The following WHAMM variants were observed in gnomAD, a reference collection of about 807,000 sequenced individuals.
The protein encoded by WHAMM is WASP homolog associated with actin, golgi membranes and microtubules, also known as WASP homolog-associated protein with actin, membranes and microtubules.
In WHAMM, 67 loss-of-function variants were observed where a neutral mutation model predicts 76.5. The ratio of observed to expected loss-of-function variants is 0.88; its 90% CI spans 0.72 to 1.07. WHAMM has a LOEUF of 1.07. Ranked by LOEUF, WHAMM falls within the 50% of genes least tolerant of loss-of-function variation. The pLI is 0.00. For synonymous variants in WHAMM, 419 were observed against 422.1 expected (o/e 0.99, Z 0.09); for missense variants, 1,021 against 1,051.1 (o/e 0.97, Z 0.40).
chr15:82,815,154 TA>T (rs56913159), intron 2 of WHAMM, among the ~76,000 whole-genome samples: 5,194 of 20,312 alleles, frequency 0.26, 451 homozygotes, highest in Admixed American at 0.27. Flanking sequence ...TATATATATA[TA>T]GTACAATTCA....
intron 2 of WHAMM, among the ~76,000 whole-genome samples, 171 bp downstream of exon 2, chr15:82,813,447 G>A (rs2050664137): frequency 6.6e-6 from 1 of 152,016 alleles, no homozygotes; most frequent in African/African-American, 2.4e-5. Flanking sequence ...TGCTCAGGCT[G>A]GTTTCGAACT....
rs999166364 is a variant in WHAMM at position 82,810,099 on chromosome 15, G to A, written c.373G>A (p.Gly125Arg). 6.2e-6 allele frequency: 8 copies of A among 1,282,108 alleles called. No homozygotes were observed. The Admixed American group carries it at 1.1e-4, about 18-fold the overall frequency. The allele number at this position is 1,282,108 out of a possible 1,614,324, so 79.4% of individuals were successfully genotyped here. Residue 125 changes from glycine (G) to arginine (R), a missense_variant, in exon 1 of 10, where the codon GGG (glycine) becomes AGG (arginine). Transcript: ENST00000286760. ...CGGCGGGGCCTGGGGTCTGGGGCTCGGGCTGTGGGCGCTGCTGTGGCCGAC... is the reference window on the plus strand; with the variant it reads ...CGGCGGGGCCTGGGGTCTGGGGCTCAGGCTGTGGGCGCTGCTGTGGCCGAC... ...GGGGAWGLGLGLWALLWPTRA... is the reference protein window; with the variant it reads ...GGGGAWGLGLRLWALLWPTRA...
In WHAMM at chr15:82,809,660, G is replaced by A; in HGVS notation, c.-67G>A. ...AAAATGATTTGGCTCGGACTGTCCC[G>A]TGACAGGCGGTGCGAGGAGGCCAGG... On this transcript the variant is annotated 5_prime_UTR_variant, in exon 1 of 10. In the 5' UTR this introduces an upstream ATG that the reference lacks. Coordinates refer to ENST00000286760, the MANE Select transcript of WHAMM (RefSeq NM_001080435.3). 4 of 1,272,922 alleles carry A rather than the reference G, an allele frequency of 3.1e-6. No homozygotes were observed. Among genetic ancestry groups the A allele is most frequent in the South Asian group, 1.9e-5 (1 of 53,196 alleles). The allele number at this position is 1,272,922 out of a possible 1,614,324, so 78.9% of individuals were successfully genotyped here.
At position 82,833,274 on chromosome 15, in the gene WHAMM, C is replaced by G. The variant is rs754013874; in HGVS notation, c.2168C>G (p.Pro723Arg). The change falls in exon 10 of 10, where the codon CCT (proline) becomes CGT (arginine). Residue 723 changes from proline to arginine, a missense_variant. Coordinates refer to ENST00000286760, the MANE Select transcript of WHAMM (RefSeq NM_001080435.3). Reference protein sequence around the residue: ...VLASLRHGRAPLRKVEVPAVR... With the variant: ...VLASLRHGRARLRKVEVPAVR... Reference sequence around the variant, plus strand: ...GCCTCCTTAAGGCATGGCAGAGCTCCTCTCCGGAAGGTGGAAGTGCCGGCG... The same window carrying G: ...GCCTCCTTAAGGCATGGCAGAGCTCGTCTCCGGAAGGTGGAAGTGCCGGCG... The G allele has an allele frequency of 6.2e-7, 1 of 1,613,976 alleles. No homozygotes were observed. Among genetic ancestry groups the G allele is most frequent in the East Asian group, 2.2e-5 (1 of 44,896 alleles).
At chr15:82,822,640 G>T (rs1238816669) in intron 5 of WHAMM, among the ~76,000 whole-genome samples, 1 of 152,184 alleles carries the variant, frequency 6.6e-6, no homozygotes, top group African/African-American at 2.4e-5. Context: ...GTTTTGCCGT[G>T]TTGGCCAGGC....
rs1481431390 is a variant in WHAMM at position 82,835,635 on chromosome 15, A to G, written c.*2099A>G. 1 of 152,336 alleles carries G rather than the reference A, an allele frequency of 6.6e-6. No individual in the cohort carries two copies. The highest frequency in any genetic ancestry group is 1.5e-5 in the Non-Finnish European group (1 of 68,222). 9.4% of individuals were successfully genotyped at this position (152,336 alleles called of 1,614,324 possible). A position where few individuals can be genotyped will look rare whatever the true frequency, so the allele number is the denominator to read the frequency against. On this transcript the variant is annotated 3_prime_UTR_variant, in exon 10 of 10. Coordinates refer to ENST00000286760, the MANE Select transcript of WHAMM (RefSeq NM_001080435.3). ...AAATCCAACTCCTGTGTATGAATGA[A>G]TGTGCCTCACTGTGCTGGCCCAGGC... is the stretch of plus-strand genomic sequence containing the variant.
At chr15:82,810,813 A>G in intron 1 of WHAMM, 1 of 949,094 alleles carries the variant, frequency 1.1e-6, no homozygotes, top group African/African-American at 1.8e-5. Context: ...AGTAATATAT[A>G]CTTGGTCAAA....
At chr15:82,810,818 G>A in intron 1 of WHAMM, 1 of 938,212 alleles carries the variant, frequency 1.1e-6, no homozygotes, top group Non-Finnish European at 1.3e-6. Context: ...TATATACTTG[G>A]TCAAATGGAA....
At chr15:82,813,493 A>G (rs1480134518) in intron 2 of WHAMM, among the ~76,000 whole-genome samples, 1 of 152,102 alleles carries the variant, frequency 6.6e-6, no homozygotes, top group East Asian at 1.9e-4. Context: ...TTGGCCTCCC[A>G]AAGCACAGCA....
rs2050657250 is a variant in WHAMM, at chr15:82,813,129, C to T, written c.636C>T (p.Asn212=). ...TTATTCAAGGACACGGAAAAGCCAA[C>T]ACCATGGTAGCATTAATGAACGTTT... ...RQVIQGHGKA[N]TMVALMNVYQ... The change falls in exon 2 of 10, where the codon AAC becomes AAT. Residue 212 remains asparagine, a synonymous_variant. Coordinates refer to ENST00000286760, the MANE Select transcript of WHAMM (RefSeq NM_001080435.3). 1.9e-6 allele frequency: 3 copies of T among 1,605,862 alleles called. No homozygotes were observed. The highest frequency in any genetic ancestry group is 1.7e-5 in the Admixed American group (1 of 57,982).
Position 82,813,189 on chromosome 15 carries a change from T to A in WHAMM, c.696T>A (p.Val232=). The A allele has an allele frequency of 6.2e-7, 1 of 1,613,212 alleles. No homozygotes were observed. Among genetic ancestry groups the A allele is most frequent in the Non-Finnish European group, 8.5e-7 (1 of 1,179,534 alleles). ...QEEDEAYQEL[V]TVATMFFQYL... is the part of the protein sequence containing the mutation. ...AAGATGAAGCATACCAGGAATTGGTTACCGTGGCAACCATGTTCTTCCAGT... is the reference window on the plus strand; with the variant it reads ...AAGATGAAGCATACCAGGAATTGGTAACCGTGGCAACCATGTTCTTCCAGT... The change falls in exon 2 of 10, where the codon GTT becomes GTA. Residue 232 remains valine, a synonymous_variant. Transcript: ENST00000286760.
intron 2 of WHAMM, among the ~76,000 whole-genome samples, chr15:82,814,894 C>T (rs1216068782): frequency 8.0e-5 from 12 of 149,576 alleles, no homozygotes; most frequent in African/African-American, 2.0e-4. Flanking sequence ...CTAAGCCTCC[C>T]GAGTAGCTGG....
chr15:82,832,106 G>A (rs2067875483), intron 9 of WHAMM, among the ~76,000 whole-genome samples: 1 of 152,212 alleles, frequency 6.6e-6, no homozygotes, highest in African/African-American at 2.4e-5. Context: ...GTCTAGATCG[G>A]ACTTTGGAAG....
At chr15:82,820,847 A>G (rs545761298) in intron 5 of WHAMM, among the ~76,000 whole-genome samples, 2 of 147,618 alleles carry the variant, frequency 1.4e-5, no homozygotes, top group East Asian at 4.2e-4. Context: ...GTGAGCCGAG[A>G]TGGTGCCACT....
At chr15:82,824,936 C>T (rs997392877) in intron 6 of WHAMM, among the ~76,000 whole-genome samples, 2 of 152,032 alleles carry the variant, frequency 1.3e-5, no homozygotes, top group African/African-American at 4.8e-5. Flanking sequence ...GTGGGAGAAT[C>T]ACTTAAGGCC....
chr15:82,811,696 C>G (rs2050631779), intron 1 of WHAMM, among the ~76,000 whole-genome samples: 1 of 152,096 alleles, frequency 6.6e-6, no homozygotes, highest in Non-Finnish European at 1.5e-5. Flanking sequence ...TAGAATTAGA[C>G]CAATTGCTAG....
Position 82,823,277 on chromosome 15 carries a change from G to A in WHAMM, c.1448G>A (p.Arg483Gln), listed in dbSNP as rs779958716. The part of the protein sequence containing the change: ...GRICAKRASL[R>Q]SRKDQCKENH... ...ATCTGTGCCAAAAGAGCCTCTCTCC[G>A]GAGTAGAAAGGTAGGTACGCTCAGA... Residue 483 changes from arginine (R) to glutamine (Q), a missense_variant, in exon 6 of 10, where the codon CGG becomes CAG. Coordinates refer to ENST00000286760, the MANE Select transcript of WHAMM (RefSeq NM_001080435.3). The A allele has an allele frequency of 2.4e-5, 36 of 1,504,016 alleles. No homozygotes were observed. Among genetic ancestry groups the A allele is most frequent in the South Asian group, 1.7e-4 (12 of 72,156 alleles). 93.2% of individuals were successfully genotyped at this position (1,504,016 alleles called of 1,614,324 possible). A position where few individuals can be genotyped will look rare whatever the true frequency, so the allele number is the denominator to read the frequency against.
intron 1 of WHAMM, among the ~76,000 whole-genome samples, chr15:82,811,243 G>A (rs2050623298): frequency 6.6e-6 from 1 of 152,140 alleles, no homozygotes; most frequent in South Asian, 2.1e-4. Context: ...CCCACTTCTC[G>A]TGTTGATTTC....
At chr15:82,814,484 CTT>C (rs963136603) in intron 2 of WHAMM, among the ~76,000 whole-genome samples, 9 of 152,166 alleles carry the variant, frequency 5.9e-5, no homozygotes, top group Middle Eastern at 6.8e-3. Flanking sequence ...GAGTTTTGCT[CTT>C]GTTACCTAGG....
Sources: gnomAD v4.1 joint callset for allele counts (sites outside exome capture counted in the v4.1 genomes callset) on GRCh38, gnomAD v4.1.1 for gene constraint, MANE v1.5 for transcripts, NCBI Gene and HGNC (gene_info 2026-07-23, HGNC 2026-07-21) for gene names.